The following ZNF148 variants were observed in gnomAD, a reference collection of about 807,000 sequenced individuals.
ZNF148 encodes the protein Beta-Enolase Repressor Factor-1.
Under a neutral mutation model 67.7 loss-of-function variants are expected in ZNF148, and 7 were observed. The ratio of observed to expected loss-of-function variants is 0.10; its 90% CI spans 0.06 to 0.19. The LOEUF (loss-of-function observed/expected upper bound fraction) is 0.19, where lower values mean the gene tolerates loss of function less well. Among genes scored for constraint, ZNF148 ranks in the 10% least tolerant of loss-of-function variants. ZNF148 has a pLI of 1.00. For synonymous variants in ZNF148, 333 were observed against 330.7 expected (o/e 1.01, Z -0.08); for missense variants, 583 against 947.1 (o/e 0.62, Z 5.05).
intron 1 of ZNF148, among the ~76,000 whole-genome samples, chr3:125,348,328 A>G (rs1371265554): frequency 6.6e-6 from 1 of 152,020 alleles, no homozygotes; most frequent in Non-Finnish European, 1.5e-5. Flanking sequence ...AAAGTGTCAC[A>G]AGAAAAGTCT....
At chr3:125,340,596 T>A (rs1416490223) in intron 1 of ZNF148, among the ~76,000 whole-genome samples, 1 of 152,154 alleles carries the variant, frequency 6.6e-6, no homozygotes, top group Non-Finnish European at 1.5e-5. Context: ...CCAAGTAGAC[T>A]GCAAAGTCTC....
At chr3:125,244,479 A>G (rs2107533973) in intron 7 of ZNF148, among the ~76,000 whole-genome samples, 1 of 151,744 alleles carries the variant, frequency 6.6e-6, no homozygotes, top group East Asian at 1.9e-4. Context: ...AATACAACCA[A>G]GTCTCTTCAG....
At chr3:125,328,229 T>A (rs550455111) in intron 2 of ZNF148, among the ~76,000 whole-genome samples, 5 of 152,184 alleles carry the variant, frequency 3.3e-5, no homozygotes, top group Admixed American at 1.3e-4. Flanking sequence ...GTGAGCCCTA[T>A]AATCAATGAT....
At chr3:125,366,797 T>C (rs571586074) in intron 1 of ZNF148, among the ~76,000 whole-genome samples, 1 of 152,316 alleles carries the variant, frequency 6.6e-6, no homozygotes, top group South Asian at 2.1e-4. Context: ...AGGAATGCTC[T>C]CTTTCAGTAA....
intron 5 of ZNF148, among the ~76,000 whole-genome samples, chr3:125,283,494 A>G (rs1295014078): frequency 6.6e-6 from 1 of 152,172 alleles, no homozygotes; most frequent in Non-Finnish European, 1.5e-5. Context: ...AAAGATTTAC[A>G]TCAGATTTTT....
At chr3:125,242,952 T>C (rs1487825088) in intron 7 of ZNF148, among the ~76,000 whole-genome samples, 1 of 152,248 alleles carries the variant, frequency 6.6e-6, no homozygotes, top group African/African-American at 2.4e-5. Context: ...AAGGCTAATC[T>C]TCCTCATTGC....
chr3:125,286,139 TA>T (rs2107620755), intron 5 of ZNF148, among the ~76,000 whole-genome samples: 1 of 152,252 alleles, frequency 6.6e-6, no homozygotes, highest in East Asian at 1.9e-4. Flanking sequence ...ATTTTTTACA[TA>T]AAACCTAGTA....
chr3:125,294,452 T>C (rs1179836122), intron 4 of ZNF148, among the ~76,000 whole-genome samples: 1 of 152,246 alleles, frequency 6.6e-6, no homozygotes, highest in Non-Finnish European at 1.5e-5. Context: ...GAAAAGTTCA[T>C]GCAAACTCTA....
At chr3:125,307,547 G>A (rs919276055) in intron 4 of ZNF148, among the ~76,000 whole-genome samples, 1 of 152,070 alleles carries the variant, frequency 6.6e-6, no homozygotes, top group Non-Finnish European at 1.5e-5. Context: ...CTCGTGATCC[G>A]CCCGCTTCGG....
intron 7 of ZNF148, among the ~76,000 whole-genome samples, chr3:125,250,841 T>A (rs1936809523): frequency 7.5e-6 from 1 of 133,800 alleles, no homozygotes. Flanking sequence ...CTCCTCTCTG[T>A]CATCCCCATC....
intron 1 of ZNF148, among the ~76,000 whole-genome samples, chr3:125,341,417 A>G (rs1373723020): frequency 6.6e-6 from 1 of 152,038 alleles, no homozygotes; most frequent in Non-Finnish European, 1.5e-5. Flanking sequence ...TCAGGAGGGT[A>G]AGACCAGCGT....
chr3:125,331,465 T>TG (rs1289799190), intron 1 of ZNF148, among the ~76,000 whole-genome samples: 1 of 152,206 alleles, frequency 6.6e-6, no homozygotes, highest in Non-Finnish European at 1.5e-5. Context: ...ACATACAAAT[T>TG]GGACTTTTTC....
chr3:125,313,003 G>A (rs1483106594), intron 4 of ZNF148, among the ~76,000 whole-genome samples: 1 of 152,108 alleles, frequency 6.6e-6, no homozygotes, highest in African/African-American at 2.4e-5. Flanking sequence ...AGATTCAAAT[G>A]TTTTACTCTT....
At chr3:125,320,933 A>C (rs1221028623) in intron 3 of ZNF148, among the ~76,000 whole-genome samples, 1 of 152,214 alleles carries the variant, frequency 6.6e-6, no homozygotes, top group Non-Finnish European at 1.5e-5. Context: ...TACAAATATC[A>C]ACCGGCCTCC....
At chr3:125,372,671 T>C (rs1942928921) in intron 1 of ZNF148, among the ~76,000 whole-genome samples, 1 of 152,142 alleles carries the variant, frequency 6.6e-6, no homozygotes, top group African/African-American at 2.4e-5. Context: ...AACAATTTTA[T>C]AATAAAAGAG....
intron 4 of ZNF148, among the ~76,000 whole-genome samples, chr3:125,309,945 ATCAT>A (rs1940107459): frequency 6.6e-6 from 1 of 152,198 alleles, no homozygotes. Flanking sequence ...GAGAATAGCA[ATCAT>A]ATGGCGTCTG....
At chr3:125,371,381 G>A (rs1297129291) in intron 1 of ZNF148, among the ~76,000 whole-genome samples, 3 of 136,874 alleles carry the variant, frequency 2.2e-5, no homozygotes, top group African/African-American at 7.9e-5. Flanking sequence ...AAGGGGGGGG[G>A]GGGGGCAGGG....
At position 125,231,612 on chromosome 3, in the gene ZNF148, G is replaced by C. The variant is rs1172100357; in HGVS notation, c.*729C>G. 6.6e-6 allele frequency: 1 copy of C among 152,458 alleles called. No individual in the cohort carries two copies. Among genetic ancestry groups the C allele is most frequent in the Non-Finnish European group, 1.5e-5 (1 of 67,958 alleles). 9.4% of individuals were successfully genotyped at this position (152,458 alleles called of 1,614,324 possible). ...CTAAGTACAACTGTACAAAGAAACT[G>C]ACACCAATATGCATACTTCCATAGA... On this transcript the variant is annotated 3_prime_UTR_variant, in exon 9 of 9. Coordinates refer to ENST00000360647, the MANE Select transcript of ZNF148 (RefSeq NM_021964.3).
intron 3 of ZNF148, among the ~76,000 whole-genome samples, chr3:125,318,988 C>T (rs924811254): frequency 3.3e-5 from 5 of 152,114 alleles, no homozygotes; most frequent in Admixed American, 2.0e-4. Flanking sequence ...AATTTCCCCT[C>T]CCTGCTCCCA....
Sources: allele counts gnomAD v4.1 joint callset (sites outside exome capture counted in the v4.1 genomes callset), GRCh38; gene constraint gnomAD v4.1.1; transcripts MANE v1.5; gene names NCBI Gene and HGNC (gene_info 2026-07-23, HGNC 2026-07-21).